Variants in FRMD1 observed in about 807,000 individuals in gnomAD.
FRMD1 encodes the protein FERM domain-containing protein 1.
A neutral mutation model predicts 54.9 loss-of-function variants in FRMD1; 51 were observed. That is an observed-to-expected ratio of 0.93 (90% CI 0.74 to 1.17). The LOEUF (loss-of-function observed/expected upper bound fraction) is 1.17. Among genes scored for constraint, FRMD1 ranks in the 50% most tolerant of loss-of-function variants. The pLI, the probability that FRMD1 is intolerant of heterozygous loss-of-function variation, is 0.00. For missense variants in FRMD1, 729 were observed against 743.0 expected, an observed-to-expected ratio of 0.98 and a Z score of 0.22; for synonymous variants, 324 against 306.4, an observed-to-expected ratio of 1.06 and a Z score of -0.60.
chr6:168,074,054 C>G (rs1048177561), intron 2 of FRMD1, among the ~76,000 whole-genome samples: 5 of 152,298 alleles, frequency 3.3e-5, no homozygotes, highest in African/African-American at 4.8e-5. Context: ...CTGCCAACCT[C>G]AAGCCCCCAC....
At chr6:168,089,825 G>C (rs1800984801) in intron 1 of FRMD1, among the ~76,000 whole-genome samples, 1 of 152,216 alleles carries the variant, frequency 6.6e-6, no homozygotes, top group Non-Finnish European at 1.5e-5. Flanking sequence ...GCCGGGGCAG[G>C]TGAGGGAAAG....
chr6:168,057,435 C>A, intron 10 of FRMD1, 96 bp from the exon 11 acceptor site: 1 of 1,534,940 alleles, frequency 6.5e-7, no homozygotes, highest in South Asian at 1.2e-5. Flanking sequence ...GAGCCACACT[C>A]CCTGCCAATG....
chr6:168,063,469 G>A, intron 6 of FRMD1, 132 bp downstream of exon 6: 1 of 1,095,432 alleles, frequency 9.1e-7, no homozygotes, highest in Non-Finnish European at 1.2e-6. Context: ...CCGGGGTCCT[G>A]GTCCCACTCT....
At chr6:168,058,775 G>A (rs1799555032) in intron 10 of FRMD1, among the ~76,000 whole-genome samples, 1 of 152,162 alleles carries the variant, frequency 6.6e-6, no homozygotes, top group Admixed American at 6.5e-5. Flanking sequence ...CGAAGGGGAC[G>A]GGGCAGCCAG....
chr6:168,063,568 G>T, intron 6 of FRMD1, 33 bp downstream of exon 6: 1 of 1,581,022 alleles, frequency 6.3e-7, no homozygotes, highest in Non-Finnish European at 8.6e-7. Context: ...TGGAGTCAGA[G>T]TCCAGCCCAT....
At chr6:168,068,476 C>T (rs1800151666) in intron 2 of FRMD1, among the ~76,000 whole-genome samples, 2 of 152,166 alleles carry the variant, frequency 1.3e-5, no homozygotes, top group South Asian at 2.1e-4. Context: ...ACCCTATGCA[C>T]ATCCTCATGT....
chr6:168,090,911 C>T (rs2115034176), intron 1 of FRMD1, among the ~76,000 whole-genome samples: 1 of 152,320 alleles, frequency 6.6e-6, no homozygotes, highest in South Asian at 2.1e-4. Context: ...ATCCAGGTCT[C>T]CTGGTTTCCA....
intron 6 of FRMD1, 126 bp downstream of exon 6, chr6:168,063,475 A>G: frequency 3.5e-6 from 4 of 1,157,198 alleles, no homozygotes; most frequent in Non-Finnish European, 4.6e-6. Flanking sequence ...TCCTGGTCCC[A>G]CTCTTAGCCA....
At chr6:168,078,233 A>G (rs1327950464) in intron 1 of FRMD1, among the ~76,000 whole-genome samples, 2 of 151,832 alleles carry the variant, frequency 1.3e-5, no homozygotes, top group African/African-American at 4.8e-5. Flanking sequence ...GGGGAAAGGG[A>G]AAAGAAAAGG....
At chr6:168,067,950 A>G (rs971280720) in intron 2 of FRMD1, among the ~76,000 whole-genome samples, 8 of 3,816 alleles carry the variant, frequency 2.1e-3, no homozygotes, top group Admixed American at 8.6e-3. Flanking sequence ...TCACCACAGG[A>G]AAAAAAAAAA....
chr6:168,075,187 A>G (rs1800524234), intron 2 of FRMD1, 58 bp downstream of exon 2: 4 of 1,449,374 alleles, frequency 2.8e-6, no homozygotes, highest in Admixed American at 1.7e-5. Context: ...CACCCCCTTG[A>G]CCTCCAGCAG....
chr6:168,075,897 G>T (rs373936767), intron 1 of FRMD1: 2 of 620,580 alleles, frequency 3.2e-6, no homozygotes. Context: ...CCGGCGTCCC[G>T]TGTCCACATT....
At chr6:168,087,072 T>G (rs1800933770) in intron 1 of FRMD1, among the ~76,000 whole-genome samples, 2 of 144,430 alleles carry the variant, frequency 1.4e-5, no homozygotes, top group Admixed American at 1.4e-4. Context: ...TTGTTTCACT[T>G]TTTTTTTTTT....
In FRMD1 at chr6:168,078,936, G is replaced by T; in HGVS notation, c.159C>A (p.His53Gln). The change falls in exon 1 of 11, where the codon CAC becomes CAA. Residue 53 changes from histidine (H) to glutamine (Q), a missense_variant. Coordinates refer to ENST00000283309, the MANE Select transcript of FRMD1 (RefSeq NM_024919.6). ...TLGMDAMASE[H>Q]RDVLVLLPSR... ...TGGGCAGCAGCACGAGGACATCCCTGTGTTCCGAGGCCATCGCGTCCATTC... is the reference window on the plus strand; with the variant it reads ...TGGGCAGCAGCACGAGGACATCCCTTTGTTCCGAGGCCATCGCGTCCATTC... The T allele has an allele frequency of 6.2e-7, 1 of 1,608,680 alleles. No homozygotes were observed.
rs1430269585 is a variant in FRMD1 at position 168,056,701 on chromosome 6, TGACA to T, written c.*392_*395del. The T allele has an allele frequency of 6.0e-6, 1 of 165,682 alleles. No homozygotes were observed. Among genetic ancestry groups the T allele is most frequent in the African/African-American group, 2.4e-5 (1 of 41,840 alleles). 10.3% of individuals were successfully genotyped at this position (165,682 alleles called of 1,614,324 possible). On this transcript the variant is annotated 3_prime_UTR_variant, in exon 11 of 11. Coordinates refer to ENST00000283309, the MANE Select transcript of FRMD1 (RefSeq NM_024919.6). ...CCATCAGGACTGTCTCTTGGGGAGC[TGACA>T]GTGTGGGAAACTGCAGAGCTGTCTC... is the stretch of plus-strand genomic sequence containing the variant.
intron 1 of FRMD1, among the ~76,000 whole-genome samples, chr6:168,090,691 C>T (rs1375488870): frequency 1.3e-5 from 2 of 152,242 alleles, no homozygotes; most frequent in Admixed American, 1.3e-4. Flanking sequence ...CTGTTTTGTT[C>T]CCTTCCATCT....
chr6:168,085,822 C>G (rs1800908717), upstream of FRMD1, among the ~76,000 whole-genome samples: 1 of 150,584 alleles, frequency 6.6e-6, no homozygotes, highest in African/African-American at 2.5e-5. Context: ...TATCGCCCAG[C>G]CATAGCATCC....
chr6:168,065,644 C>T, intron 4 of FRMD1: 1 of 986,724 alleles, frequency 1.0e-6, no homozygotes, highest in Non-Finnish European at 1.2e-6. Context: ...TATCCAGAAC[C>T]TTCCACATAT....
Position 168,053,830 on chromosome 6 carries a change from T to G in FRMD1, c.*3267A>C, listed in dbSNP as rs1440609904. ...TGTGAGATCCCAGACACACAGGCAG[T>G]TGCTGGCTGCCCCGGGCCTCCCAGA... On this transcript the variant is annotated 3_prime_UTR_variant, in exon 11 of 11. Transcript: ENST00000283309. 1.3e-5 allele frequency: 2 copies of G among 152,224 alleles called. No homozygotes were observed. Among genetic ancestry groups the G allele is most frequent in the Non-Finnish European group, 2.9e-5 (2 of 68,086 alleles). The allele number at this position is 152,224 out of a possible 1,614,324, so 9.4% of individuals were successfully genotyped here. A position where few individuals can be genotyped will look rare whatever the true frequency, so the allele number is the denominator to read the frequency against.
Sources: gnomAD v4.1 joint callset for allele counts (sites outside exome capture counted in the v4.1 genomes callset) on GRCh38, gnomAD v4.1.1 for gene constraint, MANE v1.5 for transcripts, NCBI Gene and HGNC (gene_info 2026-07-23, HGNC 2026-07-21) for gene names.